PTBP3: variants seen among roughly 807,000 people sequenced by gnomAD.
PTBP3 encodes polypyrimidine tract-binding protein 3.
PTBP3 carries 20 observed loss-of-function variants against 58.7 expected under a neutral mutation model. The ratio of observed to expected loss-of-function variants is 0.34; its 90% CI spans 0.24 to 0.50. The LOEUF (loss-of-function observed/expected upper bound fraction) is 0.50, where lower values mean the gene tolerates loss of function less well. PTBP3 is among the 20% of genes least tolerant of loss of function. The probability of loss-of-function intolerance (pLI) is 0.98; values close to 1 mark genes in which losing one functional copy is unlikely to be tolerated. For synonymous variants in PTBP3, 185 were observed against 219.8 expected (o/e 0.84, Z 1.40); for missense variants, 509 against 637.2 (o/e 0.80, Z 2.17).
chr9:112,247,069 A>G (rs1326819769), intron 7 of PTBP3, among the ~76,000 whole-genome samples: 3 of 152,094 alleles, frequency 2.0e-5, no homozygotes, highest in Non-Finnish European at 4.4e-5. Context: ...TCTCTACAAG[A>G]AAGTAAAAAT....
chr9:112,342,072 A>T, the PTBP3 span, among the ~76,000 whole-genome samples: 1 of 152,256 alleles, frequency 6.6e-6, no homozygotes, highest in Non-Finnish European at 1.5e-5. Context: ...GAGGGCCTGG[A>T]TAGAAAAAAA....
chr9:112,321,183 G>C (rs950551923), intron 1 of PTBP3, among the ~76,000 whole-genome samples: 1 of 152,014 alleles, frequency 6.6e-6, no homozygotes, highest in Non-Finnish European at 1.5e-5. Context: ...AACCCTATTT[G>C]AAAGAAGGGG....
intron 2 of PTBP3, among the ~76,000 whole-genome samples, chr9:112,290,844 A>T (rs766990167): frequency 5.3e-5 from 8 of 152,024 alleles, no homozygotes; most frequent in Non-Finnish European, 1.2e-4. Context: ...AAGCACCTGC[A>T]TATCCTAGGA....
At chr9:112,268,227 C>G (rs747095506) in intron 3 of PTBP3, 32 bp from the exon 4 acceptor site, 7 of 1,583,978 alleles carry the variant, frequency 4.4e-6, no homozygotes, top group Non-Finnish European at 6.0e-6. Flanking sequence ...AAAGTTAAAG[C>G]TCATCTTTTT....
At chr9:112,232,347 G>T in intron 8 of PTBP3, 109 bp from the exon 9 acceptor site, 1 of 1,155,244 alleles carries the variant, frequency 8.7e-7, no homozygotes. Context: ...AAGAAAATGT[G>T]TCAAGGCTAC....
intron 5 of PTBP3, among the ~76,000 whole-genome samples, chr9:112,260,287 G>GC (rs1682367254): frequency 6.6e-6 from 1 of 152,016 alleles, no homozygotes. Context: ...TATAATCCTC[G>GC]CAATAAAAAA....
chr9:112,360,144 C>G, the PTBP3 span, among the ~76,000 whole-genome samples: 1 of 152,156 alleles, frequency 6.6e-6, no homozygotes, highest in Non-Finnish European at 1.5e-5. Context: ...ACGCAGAAGG[C>G]TTGGTACATT....
At chr9:112,232,469 C>A (rs1835284026) in intron 8 of PTBP3, among the ~76,000 whole-genome samples, 1 of 152,158 alleles carries the variant, frequency 6.6e-6, no homozygotes, top group South Asian at 2.1e-4. Context: ...CAGTACTCTG[C>A]AGAGTAACTG....
At chr9:112,340,226 G>T in the PTBP3 span, among the ~76,000 whole-genome samples, 3 of 152,156 alleles carry the variant, frequency 2.0e-5, no homozygotes, top group African/African-American at 7.2e-5. Flanking sequence ...AACAGCTTGT[G>T]CCTTGCAAAG....
chr9:112,233,274 T>G (rs1313169826), intron 8 of PTBP3, among the ~76,000 whole-genome samples: 16 of 4,648 alleles, frequency 3.4e-3, no homozygotes, highest in African/African-American at 0.013. Context: ...CACTGTAGGG[T>G]GTGTGTGTGT....
chr9:112,304,618 C>A (rs1302025862), intron 1 of PTBP3, among the ~76,000 whole-genome samples: 1 of 152,172 alleles, frequency 6.6e-6, no homozygotes, highest in Non-Finnish European at 1.5e-5. Flanking sequence ...TCCGGCTGGA[C>A]TGCAGTGGGA....
At chr9:112,231,185 A>G (rs1337689163) in intron 10 of PTBP3, among the ~76,000 whole-genome samples, 195 bp downstream of exon 10, 2 of 149,954 alleles carry the variant, frequency 1.3e-5, no homozygotes, top group African/African-American at 2.5e-5. Context: ...CCTGCGTTAC[A>G]CTCCCTTTAC....
chr9:112,365,876 T>A, the PTBP3 span, among the ~76,000 whole-genome samples: 21 of 152,288 alleles, frequency 1.4e-4, no homozygotes, highest in Admixed American at 7.2e-4. Context: ...AAAAGTGACT[T>A]GGGTGCTGTT....
chr9:112,364,177 C>CTTTTT, the PTBP3 span, among the ~76,000 whole-genome samples: 27 of 73,532 alleles, frequency 3.7e-4, 1 homozygote, highest in African/African-American at 1.1e-3. Flanking sequence ...TAGGTCAGTT[C>CTTTTT]TTTTTTTTTT....
At chr9:112,244,203 T>G (rs554343323) in intron 7 of PTBP3, among the ~76,000 whole-genome samples, 12 of 143,200 alleles carry the variant, frequency 8.4e-5, no homozygotes, top group Admixed American at 5.9e-4. Flanking sequence ...GGCAAGAGAA[T>G]TGCTTGGACC....
At chr9:112,268,827 G>A (rs1433995890) in intron 3 of PTBP3, among the ~76,000 whole-genome samples, 1 of 151,016 alleles carries the variant, frequency 6.6e-6, no homozygotes, top group East Asian at 1.9e-4. Flanking sequence ...TAATTAAAAA[G>A]ATGAAAATAA....
the PTBP3 span, among the ~76,000 whole-genome samples, chr9:112,343,065 G>A: frequency 6.6e-6 from 1 of 152,154 alleles, no homozygotes; most frequent in African/African-American, 2.4e-5. Flanking sequence ...GAAGTTGTTG[G>A]TTCCAGGGCT....
chr9:112,363,561 A>ACACACACACACAC, the PTBP3 span, among the ~76,000 whole-genome samples: 11 of 77,400 alleles, frequency 1.4e-4, no homozygotes, highest in African/African-American at 7.5e-4. Context: ...CACACACACA[A>ACACACACACACAC]AGGCTATTCT....
upstream of PTBP3, among the ~76,000 whole-genome samples, chr9:112,334,996 A>G (rs889966130): frequency 2.6e-5 from 4 of 152,228 alleles, no homozygotes; most frequent in Non-Finnish European, 5.9e-5. Context: ...GCATTTGTAA[A>G]CATTGCCAGA....
Sources: allele counts gnomAD v4.1 joint callset (sites outside exome capture counted in the v4.1 genomes callset), GRCh38; gene constraint gnomAD v4.1.1; transcripts MANE v1.5; gene names NCBI Gene and HGNC (gene_info 2026-07-23, HGNC 2026-07-21).